The following SMCHD1 variants were observed in gnomAD, a reference collection of about 807,000 sequenced individuals.
SMCHD1 encodes the protein structural maintenance of chromosomes flexible hinge domain-containing protein 1.
In SMCHD1, 78 loss-of-function variants were observed where a neutral mutation model predicts 254.7. That is an observed-to-expected ratio of 0.31 (90% CI 0.26 to 0.37). SMCHD1 has a LOEUF of 0.37. Ranked by LOEUF, SMCHD1 falls within the 10% of genes least tolerant of loss-of-function variation. SMCHD1 has a pLI of 1.00. For synonymous variants in SMCHD1, 766 were observed against 794.9 expected (o/e 0.96, Z 0.61); for missense variants, 1,840 against 2,408.1 (o/e 0.76, Z 4.94).
intron 3 of SMCHD1, among the ~76,000 whole-genome samples, chr18:2,670,250 C>T (rs1347563697): frequency 6.6e-6 from 1 of 152,072 alleles, no homozygotes; most frequent in Non-Finnish European, 1.5e-5. Flanking sequence ...CCCTTCACTG[C>T]CATCCATATT....
At chr18:2,788,842 C>T (rs1442908593) in intron 45 of SMCHD1, among the ~76,000 whole-genome samples, 2 of 152,092 alleles carry the variant, frequency 1.3e-5, no homozygotes, top group African/African-American at 4.8e-5. Flanking sequence ...AAGTGATCTG[C>T]CCACTTAAGC....
Position 2,769,799 on chromosome 18 carries a change from C to T in SMCHD1, c.4825C>T (p.Leu1609=). 1 of 1,603,642 alleles carries T rather than the reference C, an allele frequency of 6.2e-7. No individual in the cohort carries two copies. Among genetic ancestry groups the T allele is most frequent in the Non-Finnish European group, 8.5e-7 (1 of 1,174,390 alleles). Reference sequence around the variant, plus strand: ...ATCAAGAACCTTAGAACCATATATCCTACCGTTCATGTTTTACAATGGTAA... The same window carrying T: ...ATCAAGAACCTTAGAACCATATATCTTACCGTTCATGTTTTACAATGGTAA... ...LLSRTLEPYI[L]PFMFYNDVKK... The change falls in exon 38 of 48, where the codon CTA becomes TTA. Residue 1609 remains leucine, a synonymous_variant. Coordinates refer to ENST00000320876, the MANE Select transcript of SMCHD1 (RefSeq NM_015295.3).
chr18:2,744,914 G>A lies in SMCHD1; in HGVS notation c.3801+986G>A, dbSNP rs2075422609. 5.9e-5 allele frequency among the ~76,000 whole-genome samples: 9 copies of A among 152,104 alleles called. 1 individual carries two copies. In the South Asian group the frequency reaches 1.7e-3, roughly 28 times the overall value. ...TGTGGAATGCATTGGCACGATCTTG[G>A]CTCACTGCAACCTCCACCTCCTGGG... On this transcript the variant is annotated intron_variant, in intron 29 of 47. Transcript: ENST00000320876.
At chr18:2,755,546 AT>A (rs1420659766) in intron 34 of SMCHD1, among the ~76,000 whole-genome samples, 1 of 112,376 alleles carries the variant, frequency 8.9e-6, no homozygotes, top group Non-Finnish European at 1.9e-5. Flanking sequence ...GTTTTTGTGT[AT>A]TTTCTTTTTC....
intron 25 of SMCHD1, among the ~76,000 whole-genome samples, chr18:2,736,011 C>G (rs1188577663): frequency 1.3e-5 from 2 of 152,188 alleles, no homozygotes; most frequent in South Asian, 2.1e-4. Flanking sequence ...TCAAACTGTT[C>G]TGCAGAGCTA....
intron 41 of SMCHD1, among the ~76,000 whole-genome samples, chr18:2,774,328 G>GT (rs966500797): frequency 3.9e-5 from 6 of 152,038 alleles, no homozygotes; most frequent in Non-Finnish European, 8.8e-5. Context: ...ACATGTACTA[G>GT]TTTTTTTGCA....
Position 2,708,907 on chromosome 18 carries a change from T to TATATATATATA in SMCHD1, c.2260+988_2260+989insTATATATATAA, listed in dbSNP as rs769432583. On this transcript the variant is annotated intron_variant, in intron 17 of 47. Transcript: ENST00000320876. ...ATATATATATATATATATATATATA[T>TATATATATATA]AACATATTAACATGAAATTTATGAA... 3.4e-4 allele frequency among the ~76,000 whole-genome samples: 15 copies of TATATATATATA among 44,698 alleles called. 1 individual carries two copies. The highest frequency in any genetic ancestry group is 7.6e-4 in the African/African-American group (9 of 11,888). The allele number at this position is 44,698 out of a possible 152,430, so 29.3% of individuals were successfully genotyped here.
intron 29 of SMCHD1, among the ~76,000 whole-genome samples, chr18:2,747,055 A>C (rs1305085212): frequency 2.0e-5 from 3 of 152,226 alleles, no homozygotes; most frequent in Non-Finnish European, 4.4e-5. Flanking sequence ...CTGAGGGAGA[A>C]GCTAAACTAC....
rs892946805 is a variant in SMCHD1 at position 2,674,027 on chromosome 18, A to G, written c.520A>G (p.Thr174Ala). The G allele has an allele frequency of 1.3e-5, 21 of 1,586,044 alleles. No individual in the cohort carries two copies. Among genetic ancestry groups the G allele is most frequent in the Non-Finnish European group, 1.8e-5 (21 of 1,166,906 alleles). ...TTTTGTTTCATAGCTTTTTGATGAA[A>G]CACAAGGAAAACCTGCTGTTGCAGT... ...RIQIKLLFDE[T>A]QGKPAVAVID... is the part of the protein sequence containing the mutation. Residue 174 changes from threonine to alanine, a missense_variant, in exon 5 of 48, where the codon ACA (threonine) becomes GCA (alanine). Transcript: ENST00000320876.
intron 9 of SMCHD1, 57 bp from the exon 10 acceptor site, chr18:2,697,774 A>T: frequency 8.6e-7 from 1 of 1,158,680 alleles, no homozygotes; most frequent in Non-Finnish European, 1.3e-6. Context: ...ATCATAGCTG[A>T]GAACAAAAGT....
intron 10 of SMCHD1, among the ~76,000 whole-genome samples, chr18:2,699,626 C>T (rs934726452): frequency 2.0e-5 from 3 of 152,210 alleles, no homozygotes; most frequent in African/African-American, 7.2e-5. Context: ...AGGCGTAAGC[C>T]CCTGTGCCTG....
At position 2,707,277 on chromosome 18, in the gene SMCHD1, G is replaced by A. The variant is rs2509459; in HGVS notation, c.2064-286G>A. 0.4 allele frequency among the ~76,000 whole-genome samples: 61,014 copies of A among 151,094 alleles called. 14,043 individuals carry two copies. Among genetic ancestry groups the A allele is most frequent in the East Asian group, 0.6 (3,079 of 5,164 alleles). ...TTAGGGGTTATCCTGTCTTCTAAAGGTAATTTGTACTATAAACAAGTAGAA... is the reference window on the plus strand; with the variant it reads ...TTAGGGGTTATCCTGTCTTCTAAAGATAATTTGTACTATAAACAAGTAGAA... On this transcript the variant is annotated intron_variant, in intron 15 of 47. Transcript: ENST00000320876.
At position 2,784,606 on chromosome 18, in the gene SMCHD1, T is replaced by A. The variant is rs2076209847; in HGVS notation, c.5704T>A (p.Leu1902Ile). Reference sequence around the variant, plus strand: ...TCCAGTTCCAAAACAGTGTCTGATCTTAGGGGAACAAATAGGTAAGTTGAA... The same window carrying A: ...TCCAGTTCCAAAACAGTGTCTGATCATAGGGGAACAAATAGGTAAGTTGAA... ...GAPVPKQCLI[L>I]GEQIDLLQQY... The change falls in exon 45 of 48, where the codon TTA (leucine) becomes ATA (isoleucine). Residue 1902 changes from leucine to isoleucine, a missense_variant. By Grantham distance (5) the Leu-to-Ile change is conservative. This residue lies in a region of SMCHD1 where 132 missense variants were observed against 138.2 expected (regional missense o/e 0.95). Transcript: ENST00000320876. 2 of 1,589,444 alleles carry A rather than the reference T, an allele frequency of 1.3e-6. No homozygotes were observed. The highest frequency in any genetic ancestry group is 1.7e-6 in the Non-Finnish European group (2 of 1,171,876).
Position 2,760,640 on chromosome 18 carries a change from T to C in SMCHD1, c.4347-12T>C, listed in dbSNP as rs769640288. On this transcript the variant is annotated splice_polypyrimidine_tract_variant and intron_variant, in intron 34 of 47. Transcript: ENST00000320876. ...AACATTGTCAGTAATCTTAACTTTCTTTTAAATTTAGGGATAAAGTAATTC... is the reference window on the plus strand; with the variant it reads ...AACATTGTCAGTAATCTTAACTTTCCTTTAAATTTAGGGATAAAGTAATTC... 19 of 1,432,782 alleles carry C rather than the reference T, an allele frequency of 1.3e-5. No individual in the cohort carries two copies. Among genetic ancestry groups the C allele is most frequent in the Admixed American group, 8.5e-5 (5 of 58,754 alleles). 88.8% of individuals were successfully genotyped at this position (1,432,782 alleles called of 1,614,324 possible).
intron 47 of SMCHD1, among the ~76,000 whole-genome samples, chr18:2,799,871 A>G (rs1598465066): frequency 6.6e-6 from 1 of 151,842 alleles, no homozygotes; most frequent in East Asian, 1.9e-4. Flanking sequence ...GGTCTTCCTT[A>G]GTTACTCTCT....
At chr18:2,783,857 C>T (rs370668757) in intron 44 of SMCHD1, among the ~76,000 whole-genome samples, 132 of 152,268 alleles carry the variant, frequency 8.7e-4, no homozygotes, top group African/African-American at 3.0e-3. Context: ...AGGTGTGAGC[C>T]ACCACACCTG....
In SMCHD1 at chr18:2,793,656, C is replaced by CA. The variant is rs1277905569; in HGVS notation, c.5720-2278dup. 2.2e-3 allele frequency among the ~76,000 whole-genome samples: 98 copies of CA among 43,858 alleles called. 3 individuals are homozygous for CA. The highest frequency in any genetic ancestry group is 4.5e-3 in the African/African-American group (47 of 10,468). The allele number at this position is 43,858 out of a possible 152,430, so 28.8% of individuals were successfully genotyped here. A position where few individuals can be genotyped will look rare whatever the true frequency, so the allele number is the denominator to read the frequency against. ...CTCCAGCCTGGGCGAGACTCCGTCT[C>CA]AAAAAAAAAAAAAAAGAAAGAAAAC... On this transcript the variant is annotated intron_variant, in intron 45 of 47. Coordinates refer to ENST00000320876, the MANE Select transcript of SMCHD1 (RefSeq NM_015295.3).
intron 30 of SMCHD1, among the ~76,000 whole-genome samples, chr18:2,748,342 TTGTGTGTG>T (rs1199860810): frequency 2.4e-4 from 19 of 78,462 alleles, no homozygotes; most frequent in Middle Eastern, 0.011. Context: ...CTTTGCAAAG[TTGTGTGTG>T]TGTGTGTGTG....
At chr18:2,786,332 G>A (rs895477350) in intron 45 of SMCHD1, among the ~76,000 whole-genome samples, 1 of 151,954 alleles carries the variant, frequency 6.6e-6, no homozygotes, top group East Asian at 1.9e-4. Context: ...ATAGAAAAAT[G>A]TGCATATTTT....
Sources: allele counts gnomAD v4.1 joint callset (sites outside exome capture counted in the v4.1 genomes callset), GRCh38; gene constraint gnomAD v4.1.1; regional missense constraint gnomAD v4.1.1; transcripts MANE v1.5; gene names NCBI Gene and HGNC (gene_info 2026-07-23, HGNC 2026-07-21).